The following ADGRL3 variants were observed in gnomAD, a reference collection of about 807,000 sequenced individuals.
ADGRL3 encodes the protein calcium-independent alpha-latrotoxin receptor 3.
A neutral mutation model predicts 153.5 loss-of-function variants in ADGRL3; 62 were observed. The observed-to-expected ratio is 0.40, with a 90% CI of 0.33 to 0.50. ADGRL3 has a LOEUF of 0.50. Among genes scored for constraint, ADGRL3 ranks in the 20% least tolerant of loss-of-function variants. ADGRL3 has a pLI of 0.47. For missense variants in ADGRL3, 1,641 were observed against 1,859.4 expected, an observed-to-expected ratio of 0.88 and a Z score of 2.16; for synonymous variants, 710 against 672.5, an observed-to-expected ratio of 1.06 and a Z score of -0.86.
Position 61,342,327 on chromosome 4 carries a change from T to C in ADGRL3, c.-239-40797T>C, listed in dbSNP as rs191763299. ...AGTTCGTGAACAGTTATTTACTTTA[T>C]AGTCTATAAACATTGTGGGGATAAC... is the stretch of plus-strand genomic sequence containing the variant. On this transcript the variant is annotated intron_variant, in intron 1 of 26. Transcript: ENST00000683033. Among the ~76,000 whole-genome samples the C allele has an allele frequency of 1.2e-3, 189 of 152,304 alleles. 1 individual carries two copies. The highest frequency in any genetic ancestry group is 2.9e-3 in the Admixed American group (45 of 15,292).
Position 61,830,914 on chromosome 4 carries a change from C to T in ADGRL3, c.1480+17025C>T, listed in dbSNP as rs533749236. On this transcript the variant is annotated intron_variant, in intron 9 of 26. Transcript: ENST00000683033. Reference sequence around the variant, plus strand: ...TATTTTATTATTTTATTTTTTGAGACAGTCTTGCTGTGTGCCCAGGCTGGA... The same window carrying T: ...TATTTTATTATTTTATTTTTTGAGATAGTCTTGCTGTGTGCCCAGGCTGGA... 2.6e-5 allele frequency among the ~76,000 whole-genome samples: 4 copies of T among 152,094 alleles called. No individual in the cohort carries two copies. The South Asian group carries it at 8.3e-4, about 32-fold the overall frequency.
chr4:62,006,032 A>ATTT (rs1553908051), intron 21 of ADGRL3, among the ~76,000 whole-genome samples: 7,091 of 72,256 alleles, frequency 0.098, 595 homozygotes, highest in Non-Finnish European at 0.12. Context: ...ATATATATAT[A>ATTT]TTTTTTTTTT....
chr4:61,357,684 C>G (rs2151433644), intron 1 of ADGRL3, among the ~76,000 whole-genome samples: 1 of 152,038 alleles, frequency 6.6e-6, no homozygotes, highest in South Asian at 2.1e-4. Flanking sequence ...CCAAATTTGG[C>G]CCCTGTGAAA....
In ADGRL3 at chr4:61,727,001, T is replaced by C. The variant is rs1315085090; in HGVS notation, c.584-3621T>C. Among the ~76,000 whole-genome samples the C allele has an allele frequency of 5.3e-5, 8 of 152,302 alleles. No individual in the cohort carries two copies. The East Asian group carries it at 1.5e-3, about 29-fold the overall frequency. ...GGCATGCAACAAATTTATTTCTCTC[T>C]ATTTTGTGATGTAATTTTAAAAAAC... On this transcript the variant is annotated intron_variant, in intron 6 of 26. Coordinates refer to ENST00000683033, the MANE Select transcript of ADGRL3 (RefSeq NM_001387552.1).
chr4:61,784,558 G>T (rs186096665), intron 8 of ADGRL3, among the ~76,000 whole-genome samples: 1 of 152,138 alleles, frequency 6.6e-6, no homozygotes, highest in African/African-American at 2.4e-5. Flanking sequence ...ACAGTTTGGG[G>T]TATGGGGTGT....
At chr4:61,921,138 T>TA (rs956172937) in intron 13 of ADGRL3, among the ~76,000 whole-genome samples, 9 of 151,898 alleles carry the variant, frequency 5.9e-5, no homozygotes, top group African/African-American at 9.7e-5. Context: ...TCATTTTGTC[T>TA]AAAAAAAACT....
At chr4:61,555,543 G>A (rs979066549) in intron 4 of ADGRL3, among the ~76,000 whole-genome samples, 11 of 152,160 alleles carry the variant, frequency 7.2e-5, no homozygotes, top group Admixed American at 2.0e-4. Flanking sequence ...ATGGGGATAA[G>A]TAACAGACAA....
At chr4:61,533,831 A>G (rs1179479379) in intron 4 of ADGRL3, among the ~76,000 whole-genome samples, 1 of 152,210 alleles carries the variant, frequency 6.6e-6, no homozygotes, top group African/African-American at 2.4e-5. Context: ...ATGCAAATTA[A>G]TAACAATGAC....
At chr4:61,331,703 A>G (rs2095576652) in intron 1 of ADGRL3, among the ~76,000 whole-genome samples, 2 of 152,172 alleles carry the variant, frequency 1.3e-5, no homozygotes, top group South Asian at 4.1e-4. Context: ...TTGGATTTAA[A>G]GAATACACAT....
intron 5 of ADGRL3, among the ~76,000 whole-genome samples, chr4:61,627,055 C>T (rs779669069): frequency 6.6e-6 from 1 of 152,058 alleles, no homozygotes; most frequent in African/African-American, 2.4e-5. Flanking sequence ...GGATTTGCTC[C>T]TTTTCAAATA....
chr4:61,628,778 T>C (rs1035024603), intron 5 of ADGRL3, among the ~76,000 whole-genome samples: 1 of 152,200 alleles, frequency 6.6e-6, no homozygotes, highest in African/African-American at 2.4e-5. Context: ...TTGCCGAAAT[T>C]CAACTCATTC....
chr4:61,810,069 A>C (rs541185566), intron 8 of ADGRL3, among the ~76,000 whole-genome samples: 1 of 152,260 alleles, frequency 6.6e-6, no homozygotes, highest in African/African-American at 2.4e-5. Flanking sequence ...TGAAGCCATG[A>C]TCTTACCCAT....
At chr4:61,821,853 A>G (rs1028516843) in intron 9 of ADGRL3, among the ~76,000 whole-genome samples, 2 of 152,232 alleles carry the variant, frequency 1.3e-5, no homozygotes, top group African/African-American at 4.8e-5. Context: ...AAAGTTCAAA[A>G]TAAGCAGGTG....
At chr4:61,607,054 G>A (rs1284197338) in intron 5 of ADGRL3, among the ~76,000 whole-genome samples, 1 of 152,256 alleles carries the variant, frequency 6.6e-6, no homozygotes, top group Non-Finnish European at 1.5e-5. Context: ...ATGAAGAAGA[G>A]GAGTTATTAC....
chr4:61,949,914 C>T (rs998531823), intron 17 of ADGRL3, among the ~76,000 whole-genome samples: 10 of 152,118 alleles, frequency 6.6e-5, no homozygotes, highest in Non-Finnish European at 1.0e-4. Context: ...GTTTTCACAG[C>T]ATTTTATATT....
chr4:61,254,546 A>G (rs937862168), intron 1 of ADGRL3, among the ~76,000 whole-genome samples: 5 of 152,136 alleles, frequency 3.3e-5, no homozygotes, highest in African/African-American at 1.2e-4. Flanking sequence ...CTTCAACATC[A>G]TGCTGCTAGA....
intron 5 of ADGRL3, among the ~76,000 whole-genome samples, chr4:61,651,482 T>C (rs2094247054): frequency 6.6e-6 from 1 of 152,338 alleles, no homozygotes; most frequent in East Asian, 1.9e-4. Flanking sequence ...CAAGTGGTAA[T>C]GCTTCTGCAA....
intron 13 of ADGRL3, among the ~76,000 whole-genome samples, chr4:61,920,164 C>T (rs1011198302): frequency 6.6e-6 from 1 of 152,086 alleles, no homozygotes; most frequent in African/African-American, 2.4e-5. Context: ...GTTTTAAATA[C>T]ATAGAATATA....
At chr4:61,742,048 G>C (rs1436352880) in intron 8 of ADGRL3, among the ~76,000 whole-genome samples, 1 of 152,176 alleles carries the variant, frequency 6.6e-6, no homozygotes, top group Non-Finnish European at 1.5e-5. Flanking sequence ...GGTGGAACTG[G>C]AATAGTGTTG....
Sources: allele counts gnomAD v4.1 joint callset (sites outside exome capture counted in the v4.1 genomes callset), GRCh38; gene constraint gnomAD v4.1.1; transcripts MANE v1.5; gene names NCBI Gene and HGNC (gene_info 2026-07-23, HGNC 2026-07-21).